POMZP3: variants seen among roughly 807,000 people sequenced by gnomAD.
The protein encoded by POMZP3 is POM121 and ZP3 fusion protein.
Under a neutral mutation model 19.8 loss-of-function variants are expected in POMZP3, and 10 were observed. The ratio of observed to expected loss-of-function variants is 0.51; its 90% CI spans 0.31 to 0.86. The LOEUF is 0.86. POMZP3 is among the 40% of genes least tolerant of loss of function. The pLI, the probability that POMZP3 is intolerant of heterozygous loss-of-function variation, is 0.04. For synonymous variants in POMZP3, 57 were observed against 85.8 expected (o/e 0.66, Z 1.85); for missense variants, 152 against 228.1 (o/e 0.67, Z 2.15).
Position 76,620,901 on chromosome 7 carries a change from C to G in POMZP3, c.228-2601G>C, listed in dbSNP as rs1438983854. 1.5e-4 allele frequency among the ~76,000 whole-genome samples: 17 copies of G among 115,082 alleles called. 1 individual carries two copies. The Admixed American group carries it at 1.8e-3, about 12-fold the overall frequency. The allele number at this position is 115,082 out of a possible 152,430, so 75.5% of individuals were successfully genotyped here. ...TTTTTTTTTTTGAGACAGAGTCTCT[C>G]TGTGTCGCCAAGGCTGGAGTGCAGT... On this transcript the variant is annotated intron_variant, in intron 3 of 6. Transcript: ENST00000310842.
intron 3 of POMZP3, among the ~76,000 whole-genome samples, chr7:76,622,589 C>G (rs1012941929): frequency 6.6e-6 from 1 of 151,620 alleles, no homozygotes. Flanking sequence ...TGGTCTTGAA[C>G]TCCTGACCTC....
At chr7:76,622,138 CATGAATAATCCACCCCTTGT>C (rs1336751004) in intron 3 of POMZP3, among the ~76,000 whole-genome samples, 1 of 146,240 alleles carries the variant, frequency 6.8e-6, no homozygotes, top group Non-Finnish European at 1.5e-5. Context: ...AAAGGGGAGG[CATGAATAATCCACCCCTTGT>C]TTAGCATATC....
chr7:76,626,331 G>A (rs1295427870), intron 1 of POMZP3, 116 bp from the exon 2 acceptor site: 40 of 1,060,386 alleles, frequency 3.8e-5, no homozygotes, highest in Non-Finnish European at 5.1e-5. Flanking sequence ...CTCTTTCTAC[G>A]CAACACAGAA....
intron 4 of POMZP3, among the ~76,000 whole-genome samples, chr7:76,615,084 C>G (rs1815244427): frequency 2.5e-5 from 3 of 121,454 alleles, no homozygotes; most frequent in Non-Finnish European, 5.3e-5. Context: ...CATCATCAAT[C>G]CTACCTTTGA....
rs538138824 is a variant in POMZP3, at chr7:76,617,092, T to C, written c.345+1091A>G. On this transcript the variant is annotated intron_variant, in intron 4 of 6. Transcript: ENST00000310842. ...GGAGAATCACTTGAACCTGGGAACC[T>C]GGAGTAGCTGGGACTACAGGTGCCC... 4.1e-3 allele frequency among the ~76,000 whole-genome samples: 396 copies of C among 96,726 alleles called. 146 individuals are homozygous for C. The South Asian group carries it at 0.12, about 30-fold the overall frequency. The allele number at this position is 96,726 out of a possible 152,430, so 63.5% of individuals were successfully genotyped here.
chr7:76,624,524 C>T (rs1273336736), intron 3 of POMZP3, among the ~76,000 whole-genome samples: 2 of 151,852 alleles, frequency 1.3e-5, no homozygotes, highest in African/African-American at 4.8e-5. Flanking sequence ...CGGCTCGCTG[C>T]AACCTCCGCC....
chr7:76,627,270 G>T lies in POMZP3; in HGVS notation c.-714C>A. On this transcript the variant is annotated 5_prime_UTR_variant, in exon 1 of 7. Transcript: ENST00000310842. Reference sequence around the variant, plus strand: ...GGAGACATCGCGGCTCCGCGCCGCGGAGGAGACTTAAATATCCCAGCGTGC... The same window carrying T: ...GGAGACATCGCGGCTCCGCGCCGCGTAGGAGACTTAAATATCCCAGCGTGC... The T allele has an allele frequency of 7.4e-7, 1 of 1,348,352 alleles. No homozygotes were observed. Among genetic ancestry groups the T allele is most frequent in the Non-Finnish European group, 9.6e-7 (1 of 1,044,096 alleles). 83.5% of individuals were successfully genotyped at this position (1,348,352 alleles called of 1,614,324 possible).
intron 4 of POMZP3, among the ~76,000 whole-genome samples, chr7:76,613,506 C>CTTTTTTTTTTT: frequency 1.3e-5 from 1 of 77,690 alleles, no homozygotes; most frequent in African/African-American, 6.6e-5. Context: ...GCCCCCCTAC[C>CTTTTTTTTTTT]CTTTTTTTTT....
intron 4 of POMZP3, among the ~76,000 whole-genome samples, chr7:76,612,219 G>A (rs1357427214): frequency 8.2e-6 from 1 of 121,676 alleles, no homozygotes; most frequent in African/African-American, 3.4e-5. Flanking sequence ...GGGGAAGGAA[G>A]AGCCTCATCT....
rs1195381373 is a variant in POMZP3, at chr7:76,626,258, G to C, written c.-151-43C>G. On this transcript the variant is annotated intron_variant, in intron 1 of 6. Transcript: ENST00000310842. ...CAAATCATGGAAACAAAGTATAAAA[G>C]AATGTCAAAATTTTAGACGGTTAAA... is the stretch of plus-strand genomic sequence containing the variant. 1.1e-5 allele frequency: 16 copies of C among 1,493,662 alleles called. No individual in the cohort carries two copies. In the East Asian group the frequency reaches 2.5e-4, roughly 23 times the overall value. The allele number at this position is 1,493,662 out of a possible 1,614,324, so 92.5% of individuals were successfully genotyped here. A position where few individuals can be genotyped will look rare whatever the true frequency, so the allele number is the denominator to read the frequency against.
At chr7:76,624,008 A>G (rs1446392325) in intron 3 of POMZP3, among the ~76,000 whole-genome samples, 1 of 144,510 alleles carries the variant, frequency 6.9e-6, no homozygotes, top group African/African-American at 2.6e-5. Context: ...CGTGAAAAAA[A>G]GTTATGAGGA....
rs1400852780 is a variant in POMZP3, at chr7:76,626,714, G to A, written c.-158C>T. 2.9e-6 allele frequency: 4 copies of A among 1,384,272 alleles called. No homozygotes were observed. Among genetic ancestry groups the A allele is most frequent in the African/African-American group, 1.5e-5 (1 of 65,008 alleles). The allele number at this position is 1,384,272 out of a possible 1,614,324, so 85.7% of individuals were successfully genotyped here. On this transcript the variant is annotated 5_prime_UTR_variant, in exon 1 of 7. Coordinates refer to ENST00000310842, the MANE Select transcript of POMZP3 (RefSeq NM_012230.5). ...GAAAATCAGCGCATCTCACCGTGGG[G>A]AAGGCCTCCCGGAGGGTCGGAGAAG...
intron 3 of POMZP3, among the ~76,000 whole-genome samples, chr7:76,625,263 T>G (rs1237536854): frequency 6.7e-6 from 1 of 150,364 alleles, no homozygotes; most frequent in Non-Finnish European, 1.5e-5. Context: ...TACAGAAGCA[T>G]GAGGCTAACA....
Position 76,610,076 on chromosome 7 carries a change from CAG to C in POMZP3, c.*149_*150del. ...GAACCAGGATAACAGCAGTCAGAGTCAGGGACACCACCACAGCCAGGCCTACG... is the reference window on the plus strand; with the variant it reads ...GAACCAGGATAACAGCAGTCAGAGTCGGACACCACCACAGCCAGGCCTACG... On this transcript the variant is annotated 3_prime_UTR_variant, in exon 7 of 7. Transcript: ENST00000310842. The C allele has an allele frequency of 1.5e-6, 2 of 1,305,538 alleles. No homozygotes were observed. Among genetic ancestry groups the C allele is most frequent in the Non-Finnish European group, 2.2e-6 (2 of 915,060 alleles). 80.9% of individuals were successfully genotyped at this position (1,305,538 alleles called of 1,614,324 possible).
intron 3 of POMZP3, among the ~76,000 whole-genome samples, chr7:76,625,276 G>A (rs1486422850): frequency 2.7e-5 from 4 of 150,400 alleles, no homozygotes; most frequent in African/African-American, 9.8e-5. Context: ...GGCTAACATG[G>A]CTAATAGCTG....
chr7:76,611,507 C>T lies in POMZP3; in HGVS notation c.522G>A (p.Gln174=), dbSNP rs772623789. Residue 174 remains glutamine, a synonymous_variant, in exon 6 of 7, where the codon CAG becomes CAA. Coordinates refer to ENST00000310842, the MANE Select transcript of POMZP3 (RefSeq NM_012230.5). ...DCGTPSHSRR[Q]PRVVSQWSTS... ...TGGACCACTGGCTCACGACACGAGGCTGCCTCCTGGAATGGCTTGGAGTGC... is the reference window on the plus strand; with the variant it reads ...TGGACCACTGGCTCACGACACGAGGTTGCCTCCTGGAATGGCTTGGAGTGC... 8 of 1,604,938 alleles carry T rather than the reference C, an allele frequency of 5.0e-6. 1 individual carries two copies. Among genetic ancestry groups the T allele is most frequent in the Non-Finnish European group, 6.8e-6 (8 of 1,172,484 alleles).
intron 4 of POMZP3, among the ~76,000 whole-genome samples, chr7:76,616,371 T>C (rs1815289942): frequency 9.7e-6 from 1 of 103,588 alleles, no homozygotes; most frequent in Admixed American, 9.3e-5. Flanking sequence ...TATGAAGATT[T>C]AGTTAATGTT....
chr7:76,617,387 T>C, intron 4 of POMZP3, among the ~76,000 whole-genome samples: 1 of 94,486 alleles, frequency 1.1e-5, no homozygotes, highest in Non-Finnish European at 2.2e-5. Flanking sequence ...CCATCTTCAT[T>C]CCTTCCTTCT....
intron 3 of POMZP3, among the ~76,000 whole-genome samples, chr7:76,619,373 G>A (rs1200755014): frequency 1.4e-5 from 2 of 147,670 alleles, no homozygotes; most frequent in African/African-American, 5.1e-5. Context: ...GGGCAACAGA[G>A]TGAGACTCTG....
Sources: gnomAD v4.1 joint callset for allele counts (sites outside exome capture counted in the v4.1 genomes callset) on GRCh38, gnomAD v4.1.1 for gene constraint, MANE v1.5 for transcripts, NCBI Gene and HGNC (gene_info 2026-07-23, HGNC 2026-07-21) for gene names.